Variants in ADORA2B observed in about 807,000 individuals in gnomAD.
ADORA2B encodes the protein adenosine A2b receptor.
In ADORA2B, 18 loss-of-function variants were observed where a neutral mutation model predicts 20.8. That is an observed-to-expected ratio of 0.87 (90% CI 0.60 to 1.29). The LOEUF (loss-of-function observed/expected upper bound fraction) is 1.29, where lower values mean the gene tolerates loss of function less well. ADORA2B is among the 50% of genes most tolerant of loss of function. The pLI, the probability that ADORA2B is intolerant of heterozygous loss-of-function variation, is 0.00. For missense variants in ADORA2B, 441 were observed against 422.7 expected (o/e 1.04, Z -0.38); for synonymous variants, 179 against 178.3 (o/e 1.00, Z -0.03).
chr17:15,879,731 G>T, the ADORA2B span, among the ~76,000 whole-genome samples: 1 of 150,006 alleles, frequency 6.7e-6, no homozygotes, highest in Non-Finnish European at 1.5e-5. Context: ...TAGAGACGGG[G>T]TTTCACCATG....
the ADORA2B span, among the ~76,000 whole-genome samples, chr17:15,862,751 A>G: frequency 6.6e-6 from 1 of 151,752 alleles, no homozygotes; most frequent in African/African-American, 2.4e-5. Context: ...CATATACAAT[A>G]TGAACGTATT....
At chr17:15,923,780 T>A in the ADORA2B span, among the ~76,000 whole-genome samples, 1 of 152,182 alleles carries the variant, frequency 6.6e-6, no homozygotes, top group African/African-American at 2.4e-5. Flanking sequence ...AGATGATGTA[T>A]GTGATTTGAG....
chr17:15,867,047 G>A, the ADORA2B span, among the ~76,000 whole-genome samples: 6 of 152,236 alleles, frequency 3.9e-5, no homozygotes, highest in Non-Finnish European at 5.9e-5. Flanking sequence ...TCGGCCTCCC[G>A]AGGTGCCGGG....
the ADORA2B span, among the ~76,000 whole-genome samples, chr17:15,907,755 G>T: frequency 6.6e-6 from 1 of 152,208 alleles, no homozygotes; most frequent in Non-Finnish European, 1.5e-5. Context: ...AGACTTTCAT[G>T]ATAATCCCAC....
chr17:15,866,748 G>A, the ADORA2B span, among the ~76,000 whole-genome samples: 1,550 of 137,952 alleles, frequency 0.011, no homozygotes, highest in East Asian at 0.054. Context: ...TGCCTCTGCC[G>A]CTGCCTCTCT....
At chr17:15,854,896 A>T in the ADORA2B span, among the ~76,000 whole-genome samples, 1 of 151,320 alleles carries the variant, frequency 6.6e-6, no homozygotes, top group Admixed American at 6.6e-5. Context: ...GTACCAGGCC[A>T]TGTTTTGATT....
At chr17:15,923,397 A>G in the ADORA2B span, among the ~76,000 whole-genome samples, 1 of 116,178 alleles carries the variant, frequency 8.6e-6, no homozygotes, top group Non-Finnish European at 1.8e-5. Flanking sequence ...GTGTATATAT[A>G]TATATATATA....
At chr17:15,864,174 GC>G in the ADORA2B span, 1 of 158,752 alleles carries the variant, frequency 6.3e-6, no homozygotes, top group African/African-American at 2.4e-5. Flanking sequence ...GACAATGTCA[GC>G]CAGCTTCCAC....
At chr17:15,887,514 C>T in the ADORA2B span, among the ~76,000 whole-genome samples, 1 of 130,844 alleles carries the variant, frequency 7.6e-6, no homozygotes, top group Non-Finnish European at 1.6e-5. Flanking sequence ...AGGCCCCCTT[C>T]ACACGTCATT....
the ADORA2B span, among the ~76,000 whole-genome samples, chr17:15,874,394 TAA>T: frequency 6.6e-6 from 1 of 151,852 alleles, no homozygotes; most frequent in Non-Finnish European, 1.5e-5. Flanking sequence ...CCTTATTTTT[TAA>T]AAGTGTCGTG....
At chr17:15,950,610 C>T (rs1969887057) in intron 1 of ADORA2B, among the ~76,000 whole-genome samples, 1 of 152,114 alleles carries the variant, frequency 6.6e-6, no homozygotes, top group Non-Finnish European at 1.5e-5. Flanking sequence ...CACTGTGGGC[C>T]CCCAGCTGGA....
intron 1 of ADORA2B, among the ~76,000 whole-genome samples, chr17:15,959,796 T>C (rs1970013372): frequency 6.6e-6 from 1 of 152,194 alleles, no homozygotes; most frequent in South Asian, 2.1e-4. Context: ...CCACTGTGCC[T>C]AGCCACATTT....
chr17:15,937,114 T>C, the ADORA2B span, among the ~76,000 whole-genome samples: 25 of 152,244 alleles, frequency 1.6e-4, no homozygotes, highest in Non-Finnish European at 3.1e-4. Flanking sequence ...TCTTATAATA[T>C]TTTGTTGAAA....
the ADORA2B span, among the ~76,000 whole-genome samples, chr17:15,874,115 CAT>C: frequency 9.3e-6 from 1 of 107,144 alleles, no homozygotes. Context: ...CACATATATA[CAT>C]ACACACACAC....
chr17:15,953,580 C>T (rs867613188), intron 1 of ADORA2B, among the ~76,000 whole-genome samples: 24 of 152,344 alleles, frequency 1.6e-4, no homozygotes, highest in African/African-American at 5.5e-4. Flanking sequence ...CCCCTATGCC[C>T]CACTTGAATT....
chr17:15,902,253 C>T, the ADORA2B span, among the ~76,000 whole-genome samples: 1 of 151,734 alleles, frequency 6.6e-6, no homozygotes, highest in Middle Eastern at 3.4e-3. Flanking sequence ...CTCTGTCATT[C>T]CAGGCTGGAG....
chr17:15,908,990 C>A, the ADORA2B span, among the ~76,000 whole-genome samples: 6 of 152,062 alleles, frequency 3.9e-5, no homozygotes, highest in Admixed American at 3.9e-4. Context: ...AAATTAGTCT[C>A]TTTTTTTGCT....
the ADORA2B span, among the ~76,000 whole-genome samples, chr17:15,859,321 A>G: frequency 6.6e-6 from 1 of 151,938 alleles, no homozygotes; most frequent in Non-Finnish European, 1.5e-5. Flanking sequence ...GCTTGTCAAC[A>G]TTGAGATCAT....
At chr17:15,955,388 C>CTTTTTTTG (rs1385640036) in intron 1 of ADORA2B, among the ~76,000 whole-genome samples, 5 of 150,696 alleles carry the variant, frequency 3.3e-5, no homozygotes, top group African/African-American at 1.2e-4. Flanking sequence ...CTCTGGGATT[C>CTTTTTTTG]TTTTTTTGTT....
Sources: allele counts gnomAD v4.1 joint callset (sites outside exome capture counted in the v4.1 genomes callset), GRCh38; gene constraint gnomAD v4.1.1; transcripts MANE v1.5; gene names NCBI Gene and HGNC (gene_info 2026-07-23, HGNC 2026-07-21).